RUFY3: variants seen among roughly 807,000 people sequenced by gnomAD.
RUFY3 encodes RUN and FYVE domain containing 3, also known as protein RUFY3.
In RUFY3, 34 loss-of-function variants were observed where a neutral mutation model predicts 84.0. The observed-to-expected ratio is 0.40, with a 90% CI of 0.31 to 0.54. The LOEUF (loss-of-function observed/expected upper bound fraction) is 0.54. Among genes scored for constraint, RUFY3 ranks in the 20% least tolerant of loss-of-function variants. The pLI, the probability that RUFY3 is intolerant of heterozygous loss-of-function variation, is 0.39. For synonymous variants in RUFY3, 242 were observed against 252.9 expected, an observed-to-expected ratio of 0.96 and a Z score of 0.41; for missense variants, 507 against 736.8, an observed-to-expected ratio of 0.69 and a Z score of 3.61.
intron 3 of RUFY3, 144 bp from the exon 4 acceptor site, chr4:70,764,331 A>C: frequency 1.8e-6 from 1 of 548,214 alleles, no homozygotes; most frequent in East Asian, 2.8e-5. Context: ...CTTGCATGGG[A>C]ATGTACTGGG....
intron 1 of RUFY3, among the ~76,000 whole-genome samples, chr4:70,730,907 T>G (rs1202017842): frequency 6.6e-6 from 1 of 152,082 alleles, no homozygotes; most frequent in Non-Finnish European, 1.5e-5. Flanking sequence ...AAGAGGAGTC[T>G]TCTTCCCAGT....
intron 1 of RUFY3, among the ~76,000 whole-genome samples, chr4:70,707,624 A>G (rs1740490464): frequency 6.6e-6 from 1 of 151,794 alleles, no homozygotes; most frequent in Non-Finnish European, 1.5e-5. Flanking sequence ...ATTGATGTGT[A>G]TGTGTTCAGA....
At chr4:70,787,215 A>ATAT (rs1560555160) in intron 10 of RUFY3, among the ~76,000 whole-genome samples, 1 of 122,410 alleles carries the variant, frequency 8.2e-6, no homozygotes, top group South Asian at 2.8e-4. Flanking sequence ...TATATATATA[A>ATAT]AAACAAATTG....
Position 70,722,168 on chromosome 4 carries a change from AT to A in RUFY3, c.-401del, listed in dbSNP as rs1742377888. ...TTTTTTTTCTGCACAAAGGAGGAGG[AT>A]TTTTCACTTACTCATATCGAGGCCA... is the stretch of plus-strand genomic sequence containing the variant. On this transcript the variant is annotated 5_prime_UTR_variant, in exon 1 of 18. Transcript: ENST00000381006. 1.6e-6 allele frequency: 2 copies of A among 1,230,288 alleles called. No individual in the cohort carries two copies. The highest frequency in any genetic ancestry group is 2.0e-6 in the Non-Finnish European group (2 of 987,640). The allele number at this position is 1,230,288 out of a possible 1,614,324, so 76.2% of individuals were successfully genotyped here. A position where few individuals can be genotyped will look rare whatever the true frequency, so the allele number is the denominator to read the frequency against.
At chr4:70,804,186 C>A (rs1200268871) in intron 16 of RUFY3, among the ~76,000 whole-genome samples, 162 bp from the exon 17 acceptor site, 1 of 152,048 alleles carries the variant, frequency 6.6e-6, no homozygotes. Context: ...ATAGGATTAT[C>A]CGAGTTGTAT....
At chr4:70,744,151 GTTA>G (rs1435598103) in intron 1 of RUFY3, among the ~76,000 whole-genome samples, 1 of 152,046 alleles carries the variant, frequency 6.6e-6, no homozygotes, top group Non-Finnish European at 1.5e-5. Flanking sequence ...TTTCTCATCT[GTTA>G]TTGCAGATGG....
chr4:70,709,372 A>G (rs1030732696), intron 1 of RUFY3, among the ~76,000 whole-genome samples: 2 of 152,258 alleles, frequency 1.3e-5, no homozygotes, highest in African/African-American at 4.8e-5. Flanking sequence ...TTCATAATAC[A>G]TAAGTACAGT....
intron 3 of RUFY3, 150 bp downstream of exon 3, chr4:70,763,819 A>G: frequency 2.2e-6 from 2 of 923,272 alleles, no homozygotes; most frequent in South Asian, 2.0e-5. Flanking sequence ...ACAGGAGAGA[A>G]TTGGTATACA....
At chr4:70,778,853 TACAGGCGTGAGCCA>T (rs769055961) in intron 8 of RUFY3, among the ~76,000 whole-genome samples, 7 of 152,206 alleles carry the variant, frequency 4.6e-5, no homozygotes, top group Non-Finnish European at 8.8e-5. Flanking sequence ...GTGCTGGGAT[TACAGGCGTGAGCCA>T]CCTCGCCTGG....
chr4:70,799,116 G>C (rs1731900239), intron 14 of RUFY3, among the ~76,000 whole-genome samples: 1 of 148,120 alleles, frequency 6.8e-6, no homozygotes, highest in Admixed American at 6.8e-5. Flanking sequence ...CTGCACTCCA[G>C]CCTGGGCGAC....
intron 6 of RUFY3, among the ~76,000 whole-genome samples, chr4:70,774,696 A>C (rs961195205): frequency 7.0e-6 from 1 of 142,346 alleles, no homozygotes; most frequent in Non-Finnish European, 1.5e-5. Context: ...TCTTCGTGAA[A>C]CCCTTTTTAA....
chr4:70,751,353 C>T (rs1236040205), intron 1 of RUFY3, among the ~76,000 whole-genome samples: 2 of 152,148 alleles, frequency 1.3e-5, no homozygotes, highest in African/African-American at 2.4e-5. Flanking sequence ...GCCAGACTGC[C>T]AAAGCAGCTG....
intron 1 of RUFY3, among the ~76,000 whole-genome samples, chr4:70,750,913 C>T (rs911772825): frequency 5.3e-5 from 8 of 152,096 alleles, no homozygotes; most frequent in Non-Finnish European, 1.0e-4. Flanking sequence ...TAGCATGTAT[C>T]GTAACTTCAT....
intron 12 of RUFY3, 134 bp downstream of exon 12, chr4:70,789,726 G>A: frequency 7.4e-7 from 1 of 1,351,268 alleles, no homozygotes; most frequent in Non-Finnish European, 9.6e-7. Context: ...GTAGAAAAAA[G>A]CCAGTTGAAT....
At chr4:70,762,926 AAGTAC>A (rs1406124778) in intron 2 of RUFY3, among the ~76,000 whole-genome samples, 1 of 152,168 alleles carries the variant, frequency 6.6e-6, no homozygotes, top group Non-Finnish European at 1.5e-5. Flanking sequence ...ATAAGTAATC[AAGTAC>A]AGTACAGTAG....
At chr4:70,784,750 A>G (rs374726957) in intron 9 of RUFY3, 46 bp from the exon 10 acceptor site, 14 of 1,358,372 alleles carry the variant, frequency 1.0e-5, no homozygotes, top group Admixed American at 7.4e-5. Context: ...CTAATTCTGT[A>G]TAGATTAAAT....
At position 70,777,998 on chromosome 4, in the gene RUFY3, G is replaced by GA. The variant is rs564610183; in HGVS notation, c.825-370dup. Among the ~76,000 whole-genome samples the GA allele has an allele frequency of 5.0e-3, 764 of 152,278 alleles. 12 individuals carry two copies. Among genetic ancestry groups the GA allele is most frequent in the African/African-American group, 0.018 (741 of 41,558 alleles). On this transcript the variant is annotated intron_variant, in intron 7 of 17. Transcript: ENST00000381006. ...TGTAATCCCAGCACTCTGGGAGGCC[G>GA]AGGCAGGTGGGTCACTTGAGGTCAA...
intron 15 of RUFY3, among the ~76,000 whole-genome samples, chr4:70,800,787 C>T (rs953315591): frequency 2.6e-5 from 4 of 152,120 alleles, no homozygotes; most frequent in Admixed American, 6.5e-5. Context: ...GAGGCCGAGG[C>T]AGGAGAATCA....
rs1054842189 is a variant in RUFY3, at chr4:70,783,150, G to A, written c.954G>A (p.Glu318=). The part of the protein sequence containing the change: ...TLQEEMERVK[E]ESSYILESNR... ...AAGAAGAAATGGAACGAGTTAAAGAGGAAAGTTCCTACATACTGGAATCCA... is the reference window on the plus strand; with the variant it reads ...AAGAAGAAATGGAACGAGTTAAAGAAGAAAGTTCCTACATACTGGAATCCA... Residue 318 remains glutamate, a synonymous_variant, in exon 9 of 18, where the codon GAG becomes GAA. Coordinates refer to ENST00000381006, the MANE Select transcript of RUFY3 (RefSeq NM_001037442.4). 6.2e-6 allele frequency: 10 copies of A among 1,610,490 alleles called. No homozygotes were observed. The highest frequency in any genetic ancestry group is 1.3e-5 in the African/African-American group (1 of 74,820).
Sources: allele counts gnomAD v4.1 joint callset (sites outside exome capture counted in the v4.1 genomes callset), GRCh38; gene constraint gnomAD v4.1.1; transcripts MANE v1.5; gene names NCBI Gene and HGNC (gene_info 2026-07-23, HGNC 2026-07-21).